FAM20A: variants seen among roughly 807,000 people sequenced by gnomAD.
The protein encoded by FAM20A is FAM20A golgi associated secretory pathway pseudokinase.
FAM20A carries 42 observed loss-of-function variants against 52.0 expected under a neutral mutation model. The ratio of observed to expected loss-of-function variants is 0.81; its 90% CI spans 0.63 to 1.04. The LOEUF is 1.04. FAM20A is among the 50% of genes least tolerant of loss of function. The probability of loss-of-function intolerance (pLI) is 0.00; values close to 1 mark genes in which losing one functional copy is unlikely to be tolerated. For missense variants in FAM20A, 742 were observed against 712.7 expected (o/e 1.04, Z -0.47); for synonymous variants, 304 against 298.9 (o/e 1.02, Z -0.18).
intron 4 of FAM20A, 57 bp from the exon 5 acceptor site, chr17:68,543,778 A>G (rs762773229): frequency 6.9e-7 from 1 of 1,452,200 alleles, no homozygotes; most frequent in Middle Eastern, 1.7e-4. Context: ...GAGCCTGAGA[A>G]GAGAGCTGAT....
chr17:68,589,409 T>C (rs1218529051), intron 1 of FAM20A, among the ~76,000 whole-genome samples: 2 of 152,188 alleles, frequency 1.3e-5, no homozygotes, highest in Middle Eastern at 3.2e-3. Flanking sequence ...AGTCACTAAG[T>C]ATTGGAATAG....
chr17:68,588,655 T>C (rs905245837), intron 1 of FAM20A, among the ~76,000 whole-genome samples: 1 of 152,230 alleles, frequency 6.6e-6, no homozygotes, highest in Non-Finnish European at 1.5e-5. Flanking sequence ...CATGAGTTCC[T>C]TGTATCTCTC....
At chr17:68,568,677 T>C (rs1182039270) in intron 1 of FAM20A, among the ~76,000 whole-genome samples, 1 of 151,660 alleles carries the variant, frequency 6.6e-6, no homozygotes, top group Non-Finnish European at 1.5e-5. Flanking sequence ...CCTGGTCTTG[T>C]GGCCACATCA....
chr17:68,561,529 T>C (rs546875021), intron 1 of FAM20A, among the ~76,000 whole-genome samples: 1 of 152,242 alleles, frequency 6.6e-6, no homozygotes, highest in African/African-American at 2.4e-5. Flanking sequence ...GGCAATGCTG[T>C]TGAACTTTTT....
intron 1 of FAM20A, among the ~76,000 whole-genome samples, chr17:68,599,920 G>A (rs1014209694): frequency 6.6e-6 from 1 of 152,212 alleles, no homozygotes; most frequent in Non-Finnish European, 1.5e-5. Context: ...GACAGAGAGT[G>A]GGGTTTGGGA....
At position 68,565,383 on chromosome 17, in the gene FAM20A, CTTTTTTTTTTTTTTTTT is replaced by C. The variant is rs796800181; in HGVS notation, c.405-9657_405-9641del. ...CCTGGAGTTTAACCTCCATTACCTC[CTTTTTTTTTTTTTTTTT>C]TTTTTTTTTTTGAGATGGAGTCTTG... On this transcript the variant is annotated intron_variant, in intron 1 of 10. Transcript: ENST00000592554. 3.5e-3 allele frequency among the ~76,000 whole-genome samples: 363 copies of C among 103,802 alleles called. 3 individuals are homozygous for C. Among genetic ancestry groups the C allele is most frequent in the Non-Finnish European group, 5.1e-3 (281 of 54,786 alleles). The allele number at this position is 103,802 out of a possible 152,430, so 68.1% of individuals were successfully genotyped here.
chr17:68,558,378 T>A (rs1314979760), intron 1 of FAM20A: 4 of 442,010 alleles, frequency 9.0e-6, no homozygotes, highest in Non-Finnish European at 1.8e-5. Flanking sequence ...CATGTTGAAA[T>A]GTAGTCCCCA....
rs1323009456 is a variant in FAM20A at position 68,600,056 on chromosome 17, A to G, written c.404+207T>C. On this transcript the variant is annotated intron_variant, in intron 1 of 10. Transcript: ENST00000592554. This position sits in a 1 kb window ranked among gnomAD's most constrained non-coding sequence, Gnocchi z 6.2. ...GCTGCAATAGAAACTTTTTCCTCGT[A>G]CTATCTGACTCCGGGACTGGACTGT... Among the ~76,000 whole-genome samples, 4 of 152,322 alleles carry G rather than the reference A, an allele frequency of 2.6e-5. No homozygotes were observed. Among genetic ancestry groups the G allele is most frequent in the Admixed American group, 2.6e-4 (4 of 15,310 alleles).
chr17:68,591,738 A>C (rs2088315982), intron 1 of FAM20A: 1 of 122,850 alleles, frequency 8.1e-6, no homozygotes, highest in African/African-American at 3.0e-5. Flanking sequence ...GCGCACTGGG[A>C]GGATGGGGGT....
At chr17:68,558,922 C>T (rs1240914511) in intron 1 of FAM20A, among the ~76,000 whole-genome samples, 3 of 152,142 alleles carry the variant, frequency 2.0e-5, no homozygotes, top group African/African-American at 7.2e-5. Context: ...CCATGCCTGG[C>T]TAATTTTGTA....
chr17:68,600,289 G>C lies in FAM20A; in HGVS notation c.378C>G (p.Tyr126Ter). ...TGTTCCAGCGGGCCACCTTCCTCCG[G>C]TAATACCGCAGCGCCTCCTGGCTGG... is the stretch of plus-strand genomic sequence containing the variant. ...LLASQEALRY[Y>*]RRKVARWNRR... Residue 126 changes from tyrosine to a stop codon, truncating the protein, a stop_gained, in exon 1 of 11, where the codon TAC becomes TAG. Transcript: ENST00000592554. LOFTEE classifies it high-confidence loss of function. This position sits in a 1 kb window ranked among gnomAD's most constrained non-coding sequence, Gnocchi z 6.2. 1.9e-6 allele frequency: 3 copies of C among 1,575,422 alleles called. No homozygotes were observed. The highest frequency in any genetic ancestry group is 2.6e-6 in the Non-Finnish European group (3 of 1,160,938).
chr17:68,540,804 A>G, intron 8 of FAM20A, 45 bp downstream of exon 8: 4 of 1,560,454 alleles, frequency 2.6e-6, no homozygotes, highest in Admixed American at 1.9e-5. Context: ...CCCTAGCCAC[A>G]TAGCAGAGCC....
intron 1 of FAM20A, among the ~76,000 whole-genome samples, chr17:68,563,955 C>T (rs1019841560): frequency 2.0e-5 from 3 of 152,266 alleles, no homozygotes; most frequent in African/African-American, 4.8e-5. Context: ...TGCCATAGTT[C>T]GACCCCTGCT....
chr17:68,542,599 A>G (rs992396036), intron 6 of FAM20A, 95 bp downstream of exon 6: 2 of 930,480 alleles, frequency 2.1e-6, no homozygotes, highest in Non-Finnish European at 3.6e-6. Context: ...GGATAGTGCT[A>G]GCAGCAGGGT....
At chr17:68,593,217 T>C (rs1455727419) in intron 1 of FAM20A, among the ~76,000 whole-genome samples, 1 of 152,260 alleles carries the variant, frequency 6.6e-6, no homozygotes, top group Admixed American at 6.5e-5. Context: ...CTTTTGGCCA[T>C]ATGCAAGCCT....
intron 4 of FAM20A, among the ~76,000 whole-genome samples, chr17:68,547,916 C>T (rs2086642665): frequency 6.6e-6 from 1 of 152,234 alleles, no homozygotes; most frequent in Non-Finnish European, 1.5e-5. Flanking sequence ...CCTTACTAGC[C>T]TCCTGAATAA....
At chr17:68,586,838 C>T (rs570489666) in intron 1 of FAM20A, among the ~76,000 whole-genome samples, 2 of 152,246 alleles carry the variant, frequency 1.3e-5, no homozygotes, top group African/African-American at 4.8e-5. Context: ...CCTTTCAGAC[C>T]TTGCTCAGGC....
intron 1 of FAM20A, among the ~76,000 whole-genome samples, chr17:68,559,331 C>T (rs2087145175): frequency 6.6e-6 from 1 of 152,024 alleles, no homozygotes; most frequent in African/African-American, 2.4e-5. Context: ...TTTTATTTTC[C>T]CTCAAAAGCC....
chr17:68,553,228 G>C (rs1270501056), intron 3 of FAM20A, among the ~76,000 whole-genome samples: 1 of 152,134 alleles, frequency 6.6e-6, no homozygotes, highest in Non-Finnish European at 1.5e-5. Flanking sequence ...GCCACCATGT[G>C]AGATGTGCCT....
Sources: gnomAD v4.1 joint callset for allele counts (sites outside exome capture counted in the v4.1 genomes callset) on GRCh38, gnomAD v4.1.1 for gene constraint, Gnocchi (gnomAD v3.1) non-coding constraint, MANE v1.5 for transcripts, NCBI Gene and HGNC (gene_info 2026-07-23, HGNC 2026-07-21) for gene names.